The following INTU variants were observed in gnomAD, a reference collection of about 807,000 sequenced individuals.
INTU encodes inturned planar cell polarity protein.
INTU carries 68 observed loss-of-function variants against 100.5 expected under a neutral mutation model. The ratio of observed to expected loss-of-function variants is 0.68; its 90% CI spans 0.56 to 0.83. INTU has a LOEUF of 0.83. INTU is among the 40% of genes least tolerant of loss of function. INTU has a pLI of 0.00. For synonymous variants in INTU, 357 were observed against 395.7 expected (o/e 0.90, Z 1.16); for missense variants, 1,071 against 1,114.7 (o/e 0.96, Z 0.56).
intron 5 of INTU, among the ~76,000 whole-genome samples, chr4:127,671,230 A>T (rs1237454862): frequency 6.6e-6 from 1 of 152,124 alleles, no homozygotes; most frequent in Non-Finnish European, 1.5e-5. Context: ...ACTGACTAAT[A>T]TCCAGAATCT....
chr4:127,706,600 G>A lies in INTU; in HGVS notation c.1902G>A (p.Gln634=), dbSNP rs1288309513. ...ATCAAGTCAAAACAACTCTTCACCA[G>A]CTGGATGGAGTAGATTCTCGCATAG... ...YVDQVKTTLH[Q]LDGVDSRIDE... Residue 634 remains glutamine (Q), a synonymous_variant, in exon 12 of 16, where the codon CAG becomes CAA. Coordinates refer to ENST00000335251, the MANE Select transcript of INTU (RefSeq NM_015693.4). 2.5e-6 allele frequency: 4 copies of A among 1,613,934 alleles called. No individual in the cohort carries two copies. The East Asian group carries it at 8.9e-5, about 36-fold the overall frequency.
At chr4:127,688,219 A>AT (rs1456787946) in intron 8 of INTU, among the ~76,000 whole-genome samples, 1 of 151,964 alleles carries the variant, frequency 6.6e-6, no homozygotes, top group African/African-American at 2.4e-5. Flanking sequence ...AAAAAAAAAA[A>AT]GTGGATGACA....
intron 2 of INTU, among the ~76,000 whole-genome samples, chr4:127,655,695 C>T (rs1728165935): frequency 6.6e-6 from 1 of 151,984 alleles, no homozygotes; most frequent in African/African-American, 2.4e-5. Context: ...TGCCCTGCCC[C>T]CAGAGGTGGA....
At chr4:127,697,242 C>A (rs895529278) in intron 8 of INTU, among the ~76,000 whole-genome samples, 4 of 152,166 alleles carry the variant, frequency 2.6e-5, no homozygotes, top group African/African-American at 9.7e-5. Context: ...TAGAACATTT[C>A]ACCATCTAAT....
chr4:127,692,789 C>T (rs1730210534), intron 8 of INTU, among the ~76,000 whole-genome samples: 1 of 152,154 alleles, frequency 6.6e-6, no homozygotes, highest in African/African-American at 2.4e-5. Flanking sequence ...GATCCAGTTT[C>T]ATTCTTCCAC....
Position 127,643,829 on chromosome 4 carries a change from T to A in INTU, c.455T>A (p.Val152Asp), listed in dbSNP as rs554977722. 6.2e-7 allele frequency: 1 copy of A among 1,613,248 alleles called. No homozygotes were observed. The highest frequency in any genetic ancestry group is 8.5e-7 in the Non-Finnish European group (1 of 1,179,874). ...LKHQSNQKTG[V>D]IVQQRYKDVN... ...CATCAGTCCAATCAGAAGACAGGAG[T>A]CATTGTCCAACAGCGATACAAAGAT... Residue 152 changes from valine to aspartate, a missense_variant, in exon 2 of 16, where the codon GTC (valine) becomes GAC (aspartate). Physicochemically the swap from Val to Asp is radical, Grantham distance 152 (BLOSUM62 -3). Coordinates refer to ENST00000335251, the MANE Select transcript of INTU (RefSeq NM_015693.4).
intron 5 of INTU, among the ~76,000 whole-genome samples, chr4:127,672,604 T>A (rs1474332074): frequency 6.6e-6 from 1 of 151,964 alleles, no homozygotes; most frequent in African/African-American, 2.4e-5. Flanking sequence ...AAAACTTTTT[T>A]AAGAAGGTAA....
chr4:127,654,290 G>A lies in INTU; in HGVS notation c.683-2346G>A, dbSNP rs372620801. Among the ~76,000 whole-genome samples the A allele has an allele frequency of 9.3e-3, 1,421 of 152,146 alleles. 15 individuals are homozygous for A. The highest frequency in any genetic ancestry group is 0.031 in the Middle Eastern group (9 of 294). On this transcript the variant is annotated intron_variant, in intron 2 of 15. Coordinates refer to ENST00000335251, the MANE Select transcript of INTU (RefSeq NM_015693.4). ...ATGATGTTAGCTGGTGATTTTGCTC[G>A]TTAGTTGATGCAGTTTCTTCGTAGT...
At chr4:127,673,745 C>G (rs1729042814) in intron 5 of INTU, among the ~76,000 whole-genome samples, 1 of 151,704 alleles carries the variant, frequency 6.6e-6, no homozygotes, top group African/African-American at 2.4e-5. Context: ...CACAGGCATG[C>G]ACCACCCCAC....
rs752371897 is a variant in INTU at position 127,705,590 on chromosome 4, G to C, written c.1567-1G>C. 2 of 1,611,532 alleles carry C rather than the reference G, an allele frequency of 1.2e-6. No homozygotes were observed. Among genetic ancestry groups the C allele is most frequent in the Non-Finnish European group, 1.7e-6 (2 of 1,177,788 alleles). ...TTTTGCTCTTTGTGGTTAAATTCAA[G>C]GGTTATTTGATATGCAGTCATTTGC... On this transcript the variant is annotated splice_acceptor_variant, in intron 10 of 15. Coordinates refer to ENST00000335251, the MANE Select transcript of INTU (RefSeq NM_015693.4). LOFTEE classifies it high-confidence loss of function.
intron 7 of INTU, chr4:127,686,418 T>C (rs981801412): frequency 2.0e-5 from 3 of 152,302 alleles, no homozygotes; most frequent in East Asian, 1.9e-4. Flanking sequence ...TTGAACTAAT[T>C]TTCATATAGC....
chr4:127,664,273 T>TG (rs1728600424), intron 4 of INTU, among the ~76,000 whole-genome samples: 1 of 152,082 alleles, frequency 6.6e-6, no homozygotes, highest in Non-Finnish European at 1.5e-5. Flanking sequence ...AGTAAAATGT[T>TG]TAAGTTCACA....
chr4:127,664,436 C>G (rs1728607268), intron 4 of INTU, among the ~76,000 whole-genome samples: 1 of 151,828 alleles, frequency 6.6e-6, no homozygotes, highest in Non-Finnish European at 1.5e-5. Flanking sequence ...TCTGCTTTGC[C>G]TATTCATAAT....
intron 6 of INTU, among the ~76,000 whole-genome samples, chr4:127,681,540 G>A (rs948617221): frequency 2.6e-5 from 4 of 152,270 alleles, no homozygotes; most frequent in African/African-American, 9.6e-5. Flanking sequence ...TGGGAAAACT[G>A]GCTAGCCATA....
At chr4:127,711,153 C>A in intron 14 of INTU, 51 bp downstream of exon 14, 1 of 1,337,178 alleles carries the variant, frequency 7.5e-7, no homozygotes, top group South Asian at 1.8e-5. Flanking sequence ...TTCCAGATCT[C>A]TAAGCATTCT....
chr4:127,725,775 A>T lies in INTU; in HGVS notation c.*9339A>T, dbSNP rs1397562651. The T allele has an allele frequency of 6.6e-6, 1 of 152,226 alleles. No individual in the cohort carries two copies. The highest frequency in any genetic ancestry group is 1.5e-5 in the Non-Finnish European group (1 of 68,038). The allele number at this position is 152,226 out of a possible 1,614,324, so 9.4% of individuals were successfully genotyped here. Reference sequence around the variant, plus strand: ...GTTAAAGAGGCACTGCATTTTTAAGAAATAAAATCACACATCTTATTTTTT... The same window carrying T: ...GTTAAAGAGGCACTGCATTTTTAAGTAATAAAATCACACATCTTATTTTTT... On this transcript the variant is annotated 3_prime_UTR_variant, in exon 16 of 16. Coordinates refer to ENST00000335251, the MANE Select transcript of INTU (RefSeq NM_015693.4).
chr4:127,712,275 T>A (rs1417825582), intron 14 of INTU, among the ~76,000 whole-genome samples: 1 of 152,200 alleles, frequency 6.6e-6, no homozygotes, highest in Non-Finnish European at 1.5e-5. Context: ...TTGTAGGATT[T>A]TTTTTTGAGT....
intron 2 of INTU, among the ~76,000 whole-genome samples, chr4:127,652,704 C>T (rs1243799105): frequency 3.3e-5 from 4 of 119,952 alleles, no homozygotes; most frequent in African/African-American, 1.0e-4. Flanking sequence ...TGTCTCTGCC[C>T]GGCTTTGGTA....
rs190491784 is a variant in INTU at position 127,650,452 on chromosome 4, C to A, written c.683-6184C>A. Among the ~76,000 whole-genome samples, 74 of 148,562 alleles carry A rather than the reference C, an allele frequency of 5.0e-4. No individual in the cohort carries two copies. The East Asian group carries it at 0.014, about 27-fold the overall frequency. On this transcript the variant is annotated intron_variant, in intron 2 of 15. Transcript: ENST00000335251. ...TGTGATCTCATTCTTCAATTCCCAT[C>A]TATGAGTGAGAATATGCAGTGTTTG...
Sources: allele counts gnomAD v4.1 joint callset (sites outside exome capture counted in the v4.1 genomes callset), GRCh38; gene constraint gnomAD v4.1.1; transcripts MANE v1.5; gene names NCBI Gene and HGNC (gene_info 2026-07-23, HGNC 2026-07-21).